The following FAM53A variants were observed in gnomAD, a reference collection of about 807,000 sequenced individuals.
FAM53A encodes protein FAM53A.
Under a neutral mutation model 26.6 loss-of-function variants are expected in FAM53A, and 28 were observed. The observed-to-expected ratio is 1.05, with a 90% CI of 0.78 to 1.45. The LOEUF (loss-of-function observed/expected upper bound fraction) is 1.45, where lower values mean the gene tolerates loss of function less well. FAM53A is among the 40% of genes most tolerant of loss of function. The pLI, the probability that FAM53A is intolerant of heterozygous loss-of-function variation, is 0.00. For missense variants in FAM53A, 650 were observed against 575.8 expected (o/e 1.13, Z -1.32); for synonymous variants, 290 against 253.1 (o/e 1.15, Z -1.38).
downstream of FAM53A, among the ~76,000 whole-genome samples, chr4:1,637,636 G>A (rs1715905366): frequency 2.1e-5 from 2 of 94,522 alleles, no homozygotes; most frequent in Non-Finnish European, 2.7e-5. Context: ...CAGCCCGGCA[G>A]GGGTGGGCAG....
chr4:1,586,801 A>AAG, the FAM53A span, among the ~76,000 whole-genome samples: 10 of 150,804 alleles, frequency 6.6e-5, no homozygotes, highest in Non-Finnish European at 1.2e-4. Flanking sequence ...AAAAAAAAGA[A>AAG]GAAGAAGTTG....
At chr4:1,628,045 G>A (rs1261898778) in intron 1 of FAM53A, among the ~76,000 whole-genome samples, 1 of 124,688 alleles carries the variant, frequency 8.0e-6, no homozygotes, top group Non-Finnish European at 1.7e-5. Flanking sequence ...CACGGGGGGA[G>A]GGTGCACCTC....
intron 2 of FAM53A, among the ~76,000 whole-genome samples, chr4:1,664,696 G>A (rs931864834): frequency 2.0e-5 from 3 of 152,180 alleles, no homozygotes; most frequent in African/African-American, 7.2e-5. Flanking sequence ...TAAAAATCCT[G>A]GCCAGGCACG....
intron 1 of FAM53A, among the ~76,000 whole-genome samples, chr4:1,680,147 C>T (rs1278219698): frequency 6.6e-6 from 1 of 151,756 alleles, no homozygotes. Flanking sequence ...TGGAGAAACC[C>T]CGTCTCTACT....
At chr4:1,600,369 T>C in the FAM53A span, among the ~76,000 whole-genome samples, 1 of 152,014 alleles carries the variant, frequency 6.6e-6, no homozygotes, top group South Asian at 2.1e-4. Context: ...CCAGGCCGAA[T>C]GAACCAGAAA....
chr4:1,577,370 CG>C, the FAM53A span, among the ~76,000 whole-genome samples: 1 of 152,180 alleles, frequency 6.6e-6, no homozygotes, highest in South Asian at 2.1e-4. Flanking sequence ...GATGGCCATG[CG>C]GACCCCGCCA....
the FAM53A span, among the ~76,000 whole-genome samples, chr4:1,583,566 G>A: frequency 1.3e-5 from 2 of 152,198 alleles, no homozygotes; most frequent in East Asian, 3.8e-4. Flanking sequence ...GTGCAGCTCC[G>A]GTTACAAGGC....
At chr4:1,614,339 G>A (rs1714728639), downstream of FAM53A, among the ~76,000 whole-genome samples, 1 of 142,672 alleles carries the variant, frequency 7.0e-6, no homozygotes, top group South Asian at 2.1e-4. Context: ...GGGGTGAGGG[G>A]GATACAGAGA....
chr4:1,646,962 T>C (rs1336164732), intron 4 of FAM53A, among the ~76,000 whole-genome samples: 1 of 152,186 alleles, frequency 6.6e-6, no homozygotes, highest in East Asian at 1.9e-4. Context: ...GAACCATAAC[T>C]GATGTGCATA....
chr4:1,606,876 G>C, the FAM53A span, among the ~76,000 whole-genome samples: 3 of 152,216 alleles, frequency 2.0e-5, no homozygotes, highest in Non-Finnish European at 4.4e-5. Flanking sequence ...CGGAATTTCA[G>C]GATCACCTGG....
At chr4:1,599,112 A>G in the FAM53A span, among the ~76,000 whole-genome samples, 14 of 150,102 alleles carry the variant, frequency 9.3e-5, no homozygotes, top group Admixed American at 2.0e-4. The surrounding 1 kb of genome is among the most constrained non-coding windows in gnomAD (Gnocchi z 6.1). Context: ...GTCGGCTCCA[A>G]CCCCGCCTGG....
intron 1 of FAM53A, among the ~76,000 whole-genome samples, chr4:1,632,270 C>T (rs1715641203): frequency 1.3e-5 from 2 of 151,878 alleles, no homozygotes; most frequent in Non-Finnish European, 2.9e-5. Flanking sequence ...TGACCTGTGT[C>T]CTCATAGGAA....
chr4:1,667,965 CAAAT>C (rs1438363616), intron 2 of FAM53A, among the ~76,000 whole-genome samples: 3 of 152,170 alleles, frequency 2.0e-5, no homozygotes, highest in African/African-American at 7.2e-5. Flanking sequence ...ACGTGGTGAT[CAAAT>C]CCAAGACAGA....
At chr4:1,657,046 G>A (rs962128091) in intron 3 of FAM53A, among the ~76,000 whole-genome samples, 1 of 152,186 alleles carries the variant, frequency 6.6e-6, no homozygotes, top group Admixed American at 6.5e-5. Flanking sequence ...GCCATGGCAC[G>A]CTCCAGCTGA....
intron 1 of FAM53A, among the ~76,000 whole-genome samples, chr4:1,671,644 C>G (rs13130807): frequency 6.6e-6 from 1 of 151,956 alleles, no homozygotes; most frequent in African/African-American, 2.4e-5. Flanking sequence ...CTCTCCCAGC[C>G]TCAGAGCCCT....
intron 1 of FAM53A, among the ~76,000 whole-genome samples, chr4:1,673,788 C>T (rs1714845759): frequency 6.6e-6 from 1 of 152,246 alleles, no homozygotes; most frequent in African/African-American, 2.4e-5. Flanking sequence ...AAGTGTCCAG[C>T]AGCGCCAATG....
At chr4:1,625,663 ACGTGGT>A (rs1560111508) in intron 1 of FAM53A, among the ~76,000 whole-genome samples, 3 of 133,736 alleles carry the variant, frequency 2.2e-5, no homozygotes, top group African/African-American at 8.7e-5. Flanking sequence ...GTCCCGACCC[ACGTGGT>A]CAGGGTCACG....
the FAM53A span, among the ~76,000 whole-genome samples, chr4:1,611,812 G>A: frequency 1.3e-5 from 2 of 152,218 alleles, no homozygotes; most frequent in African/African-American, 4.8e-5. Context: ...AGTGGATGGC[G>A]GCACATGCAG....
intron 1 of FAM53A, among the ~76,000 whole-genome samples, chr4:1,674,421 G>A (rs559858519): frequency 5.3e-5 from 8 of 152,314 alleles, no homozygotes; most frequent in Admixed American, 3.3e-4. Flanking sequence ...TGTAATCCCA[G>A]CACTTTAGGA....
Sources: allele counts gnomAD v4.1 joint callset (sites outside exome capture counted in the v4.1 genomes callset), GRCh38; gene constraint gnomAD v4.1.1; non-coding constraint Gnocchi (gnomAD v3.1); transcripts MANE v1.5; gene names NCBI Gene and HGNC (gene_info 2026-07-23, HGNC 2026-07-21).